MFSD11: variants seen among roughly 807,000 people sequenced by gnomAD.
The protein encoded by MFSD11 is major facilitator superfamily domain containing 11.
In MFSD11, 36 loss-of-function variants were observed where a neutral mutation model predicts 53.5. The observed-to-expected ratio is 0.67, with a 90% CI of 0.52 to 0.89. The LOEUF (loss-of-function observed/expected upper bound fraction) is 0.89, where lower values mean the gene tolerates loss of function less well. Among genes scored for constraint, MFSD11 ranks in the 40% least tolerant of loss-of-function variants. The pLI is 0.00. For synonymous variants in MFSD11, 186 were observed against 184.9 expected, an observed-to-expected ratio of 1.01 and a Z score of -0.05; for missense variants, 530 against 543.9, an observed-to-expected ratio of 0.97 and a Z score of 0.25.
chr17:76,769,539 G>C (rs2081195608), intron 9 of MFSD11: 1 of 404,694 alleles, frequency 2.5e-6, no homozygotes, highest in Admixed American at 4.3e-5. Flanking sequence ...AATCTGGGGA[G>C]GACACAAACA....
At chr17:76,755,812 A>ATATATATTTATATT in intron 8 of MFSD11, among the ~76,000 whole-genome samples, 1 of 19,542 alleles carries the variant, frequency 5.1e-5, no homozygotes, top group East Asian at 2.3e-3. Context: ...ATATATATAT[A>ATATATATTTATATT]TTTTTTTTTT....
rs752250028 is a variant in MFSD11 at position 76,767,376 on chromosome 17, G to A, written c.683-10G>A. 1 of 1,560,758 alleles carries A rather than the reference G, an allele frequency of 6.4e-7. No homozygotes were observed. Among genetic ancestry groups the A allele is most frequent in the Non-Finnish European group, 8.8e-7 (1 of 1,137,362 alleles). ...TCTAATTAAGTACTCTTAAATTTTT[G>A]TGTTTACAGAAAAGTCTTTTAAGTT... On this transcript the variant is annotated splice_polypyrimidine_tract_variant and intron_variant, in intron 8 of 12. Transcript: ENST00000685175.
At chr17:76,741,158 T>C in intron 3 of MFSD11, 94 bp downstream of exon 3, 8 of 856,962 alleles carry the variant, frequency 9.3e-6, no homozygotes, top group Non-Finnish European at 1.6e-5. Context: ...AGACTTGGAC[T>C]GAATAGAATA....
At chr17:76,736,888 G>A (rs1260518269), upstream of MFSD11, 17 of 1,611,854 alleles carry the variant, frequency 1.1e-5, no homozygotes, top group Non-Finnish European at 1.4e-5. Context: ...GGCGGCCGTA[G>A]CGCGCCATTT....
At chr17:76,770,040 T>C (rs1397082237) in intron 10 of MFSD11, among the ~76,000 whole-genome samples, 169 bp downstream of exon 10, 1 of 147,570 alleles carries the variant, frequency 6.8e-6, no homozygotes, top group Non-Finnish European at 1.5e-5. Flanking sequence ...TCTTTTTTTT[T>C]TTTTTTTTCC....
Position 76,764,138 on chromosome 17 carries a change from C to T in MFSD11, c.683-3248C>T, listed in dbSNP as rs142603547. ...CCTCCCGAAGTGCTGGGATTACAGG[C>T]GTGGGCCCTAGCACTCGGCCACGTG... On this transcript the variant is annotated intron_variant, in intron 8 of 12. Transcript: ENST00000685175. Among the ~76,000 whole-genome samples, 560 of 152,308 alleles carry T rather than the reference C, an allele frequency of 3.7e-3. 3 individuals carry two copies. Among genetic ancestry groups the T allele is most frequent in the Middle Eastern group, 0.027 (8 of 294 alleles).
chr17:76,737,851 G>A (rs1397464386), upstream of MFSD11: 1 of 163,524 alleles, frequency 6.1e-6, no homozygotes, highest in African/African-American at 2.4e-5. Context: ...TTTCGCCAGA[G>A]CCCGAGAGCT....
the MFSD11 span, among the ~76,000 whole-genome samples, chr17:76,803,319 C>T: frequency 7.2e-5 from 11 of 152,268 alleles, no homozygotes; most frequent in South Asian, 1.2e-3. Context: ...GGGCACAGAC[C>T]GAACTAACTT....
In MFSD11 at chr17:76,776,461, A is replaced by C; in HGVS notation, c.1105A>C (p.Asn369His). The C allele has an allele frequency of 3.1e-6, 5 of 1,613,934 alleles. No individual in the cohort carries two copies. The highest frequency in any genetic ancestry group is 4.2e-6 in the Non-Finnish European group (5 of 1,179,864). The change falls in exon 12 of 13, where the codon AAT (asparagine) becomes CAT (histidine). Residue 369 changes from asparagine to histidine, a missense_variant. Transcript: ENST00000685175. The surrounding 1 kb of genome is among the most constrained non-coding windows in gnomAD (Gnocchi z 4.2). ...FLLGLGDSCF[N>H]TQLLSILGFL... ...GTTGGGCCTTGGAGACAGCTGCTTT[A>C]ATACCCAGCTGCTTAGTATCTTGGG...
the MFSD11 span, among the ~76,000 whole-genome samples, chr17:76,794,810 A>G: frequency 6.8e-6 from 1 of 147,796 alleles, no homozygotes; most frequent in African/African-American, 2.5e-5. Context: ...CTCCTGCCTC[A>G]GTCTCCCAAG....
At chr17:76,742,296 G>T (rs754227452) in intron 5 of MFSD11, 23 bp downstream of exon 5, 1 of 1,583,496 alleles carries the variant, frequency 6.3e-7, no homozygotes, top group South Asian at 1.1e-5. Context: ...TTGAGGTTCA[G>T]TCTTTCCTTT....
the MFSD11 span, among the ~76,000 whole-genome samples, chr17:76,803,353 T>G: frequency 1.3e-5 from 2 of 152,280 alleles, no homozygotes; most frequent in Non-Finnish European, 1.5e-5. Flanking sequence ...GTTTATAGTT[T>G]AAAACAATGA....
the MFSD11 span, among the ~76,000 whole-genome samples, chr17:76,802,953 C>G: frequency 6.6e-6 from 1 of 152,024 alleles, no homozygotes; most frequent in Non-Finnish European, 1.5e-5. Flanking sequence ...GCCAGGAGAT[C>G]GAGTCCATCC....
chr17:76,736,912 G>A (rs753844933), upstream of MFSD11: 90 of 1,612,636 alleles, frequency 5.6e-5, 2 homozygotes, highest in East Asian at 1.9e-3. Flanking sequence ...CCCGCAGCTC[G>A]CGGCCGTCCA....
At chr17:76,780,793 C>T (rs1321000445), downstream of MFSD11, among the ~76,000 whole-genome samples, 2 of 152,160 alleles carry the variant, frequency 1.3e-5, no homozygotes, top group Non-Finnish European at 1.5e-5. Flanking sequence ...GGATTACAGG[C>T]GTGAGCCACT....
At position 76,738,254 on chromosome 17, in the gene MFSD11, C is replaced by T. The variant is rs752121171; in HGVS notation, c.-99C>T. 2.2e-5 allele frequency: 17 copies of T among 765,578 alleles called. No homozygotes were observed. The highest frequency in any genetic ancestry group is 3.6e-5 in the Non-Finnish European group (16 of 446,054). The allele number at this position is 765,578 out of a possible 1,614,324, so 47.4% of individuals were successfully genotyped here. On this transcript the variant is annotated 5_prime_UTR_variant, in exon 1 of 13. Transcript: ENST00000685175. ...TGCCTGGCTCCTGCATCTGCCTTCT[C>T]CACTCACCATCTCATTTCTTTCTCC...
the MFSD11 span, chr17:76,799,236 T>G: frequency 6.6e-6 from 1 of 151,852 alleles, no homozygotes; most frequent in Admixed American, 6.6e-5. Flanking sequence ...TGCCTCAGCC[T>G]CCCAAGTAGC....
At chr17:76,775,836 A>G (rs1298321527) in intron 11 of MFSD11, among the ~76,000 whole-genome samples, 1 of 152,212 alleles carries the variant, frequency 6.6e-6, no homozygotes, top group Admixed American at 6.5e-5. Flanking sequence ...AATTTGAAAC[A>G]CTTCTGGTCT....
the MFSD11 span, among the ~76,000 whole-genome samples, chr17:76,795,302 C>T: frequency 2.4e-5 from 3 of 126,432 alleles, no homozygotes; most frequent in East Asian, 4.5e-4. Flanking sequence ...GCCAACATGG[C>T]GAAAACCTGT....
Sources: allele counts gnomAD v4.1 joint callset (sites outside exome capture counted in the v4.1 genomes callset), GRCh38; gene constraint gnomAD v4.1.1; non-coding constraint Gnocchi (gnomAD v3.1); transcripts MANE v1.5; gene names NCBI Gene and HGNC (gene_info 2026-07-23, HGNC 2026-07-21).